TXNRD2: variants seen among roughly 807,000 people sequenced by gnomAD.
The protein encoded by TXNRD2 is thioredoxin reductase 2, mitochondrial.
In TXNRD2, 67 loss-of-function variants were observed where a neutral mutation model predicts 70.8. The observed-to-expected ratio is 0.95, with a 90% CI of 0.78 to 1.16. TXNRD2 has a LOEUF of 1.16. Ranked by LOEUF, TXNRD2 falls within the 50% of genes most tolerant of loss-of-function variation. TXNRD2 has a pLI of 0.00. For missense variants in TXNRD2, 644 were observed against 719.9 expected (o/e 0.89, Z 1.21); for synonymous variants, 301 against 295.8 (o/e 1.02, Z -0.18).
chr22:19,882,160 C>T (rs778665230), intron 12 of TXNRD2, among the ~76,000 whole-genome samples: 75 of 152,270 alleles, frequency 4.9e-4, no homozygotes, highest in Non-Finnish European at 8.7e-4. Flanking sequence ...ACGCCTGGGG[C>T]ATCCTACCCC....
chr22:19,913,525 T>C (rs1940506540), intron 7 of TXNRD2, among the ~76,000 whole-genome samples: 1 of 152,208 alleles, frequency 6.6e-6, no homozygotes, highest in Non-Finnish European at 1.5e-5. Context: ...TCTGGGGGCA[T>C]TTGTCTGAGG....
At chr22:19,930,061 C>A (rs188558415) in intron 2 of TXNRD2, among the ~76,000 whole-genome samples, 1 of 152,152 alleles carries the variant, frequency 6.6e-6, no homozygotes, top group South Asian at 2.1e-4. Context: ...TGGCTGCCTG[C>A]GCCATCGTTT....
intron 2 of TXNRD2, among the ~76,000 whole-genome samples, chr22:19,930,266 G>A (rs1040755634): frequency 1.3e-5 from 2 of 152,136 alleles, no homozygotes; most frequent in African/African-American, 2.4e-5. Flanking sequence ...CAGGGCCAAA[G>A]TGCCCAGTTA....
At chr22:19,925,944 A>G (rs1468711881) in intron 2 of TXNRD2, among the ~76,000 whole-genome samples, 6 of 152,120 alleles carry the variant, frequency 3.9e-5, no homozygotes, top group Non-Finnish European at 2.9e-5. Flanking sequence ...AGGCGGGTGG[A>G]TCACCTGAGG....
rs1379906221 is a variant in TXNRD2 at position 19,918,221 on chromosome 22, T to C, written c.375-4A>G. 6.2e-7 allele frequency: 1 copy of C among 1,613,960 alleles called. No homozygotes were observed. The highest frequency in any genetic ancestry group is 1.3e-5 in the African/African-American group (1 of 75,048). ...AACAGCTTCTGCCATCTTCCTCCTG[T>C]GAAGATACGAAACAAAATGTAAAAT... On this transcript the variant is annotated splice_region_variant and splice_polypyrimidine_tract_variant and intron_variant, in intron 4 of 17. Transcript: ENST00000400521.
intron 8 of TXNRD2, chr22:19,903,015 T>C (rs982250803): frequency 1.9e-6 from 1 of 518,674 alleles, no homozygotes; most frequent in Non-Finnish European, 3.8e-6. Context: ...CCAGCCCAAG[T>C]TATAAAAACA....
At chr22:19,932,636 G>A in intron 1 of TXNRD2, 1 of 1,353,418 alleles carries the variant, frequency 7.4e-7, no homozygotes, top group Non-Finnish European at 9.7e-7. Context: ...TGGGGTGAGG[G>A]CAGGGTGGGG....
At chr22:19,908,860 G>A (rs1940188449) in intron 8 of TXNRD2, among the ~76,000 whole-genome samples, 1 of 152,178 alleles carries the variant, frequency 6.6e-6, no homozygotes, top group Non-Finnish European at 1.5e-5. Context: ...AGTGGTGATG[G>A]TTTCACGACA....
chr22:19,933,468 T>C (rs1420840862), intron 1 of TXNRD2: 8 of 1,289,742 alleles, frequency 6.2e-6, no homozygotes, highest in Non-Finnish European at 8.1e-6. Flanking sequence ...CTTGTTGCCA[T>C]AGCAGGGCCC....
chr22:19,936,028 C>A (rs1055391880), intron 1 of TXNRD2, among the ~76,000 whole-genome samples: 2 of 152,128 alleles, frequency 1.3e-5, no homozygotes, highest in African/African-American at 4.8e-5. Flanking sequence ...TATGGTCACC[C>A]TATTCAGGGC....
intron 6 of TXNRD2, among the ~76,000 whole-genome samples, 159 bp from the exon 7 acceptor site, chr22:19,915,435 C>G (rs1320208264): frequency 3.9e-5 from 6 of 152,296 alleles, no homozygotes; most frequent in Admixed American, 3.9e-4. Flanking sequence ...GAGCTGGAAT[C>G]CCATCAACCA....
chr22:19,934,073 A>G (rs1941458221), intron 1 of TXNRD2, among the ~76,000 whole-genome samples: 1 of 152,214 alleles, frequency 6.6e-6, no homozygotes, highest in African/African-American at 2.4e-5. Flanking sequence ...ATGTGCACCC[A>G]CAGGCAGGCT....
intron 1 of TXNRD2, chr22:19,933,371 T>C: frequency 8.7e-7 from 1 of 1,151,754 alleles, no homozygotes; most frequent in Non-Finnish European, 1.2e-6. Flanking sequence ...AACCTGCTGA[T>C]GGAGAAGCAT....
intron 10 of TXNRD2, 93 bp from the exon 11 acceptor site, chr22:19,895,674 C>T (rs996884809): frequency 5.4e-5 from 79 of 1,450,736 alleles, no homozygotes; most frequent in Non-Finnish European, 2.7e-5. Context: ...CAATGAAGGG[C>T]GGAGAGGGGT....
intron 2 of TXNRD2, among the ~76,000 whole-genome samples, chr22:19,928,446 C>A (rs1460771370): frequency 2.0e-5 from 3 of 152,132 alleles, no homozygotes; most frequent in Non-Finnish European, 4.4e-5. Flanking sequence ...AGGTCATTAC[C>A]CTGAGTGAAA....
At position 19,880,766 on chromosome 22, in the gene TXNRD2, A is replaced by G. The variant is rs545134654; in HGVS notation, c.1087-49T>C. 297 of 1,379,010 alleles carry G rather than the reference A, an allele frequency of 2.2e-4. 5 individuals are homozygous for G. The South Asian group carries it at 3.3e-3, about 16-fold the overall frequency. 85.4% of individuals were successfully genotyped at this position (1,379,010 alleles called of 1,614,324 possible). On this transcript the variant is annotated intron_variant, in intron 12 of 17. Transcript: ENST00000400521. ...ACGTCAGCACCATGTCCGGGGTTAT[A>G]TGCAGCCCCTATGCCATCACCCTTT...
Position 19,915,267 on chromosome 22 carries a change from ACAG to A in TXNRD2, c.535_537del (p.Leu179del). On this transcript the variant is annotated inframe_deletion, in exon 7 of 18. Coordinates refer to ENST00000400521, the MANE Select transcript of TXNRD2 (RefSeq NM_006440.5). ...GTAGCAATGATGATGTGATCGGCTG[ACAG>A]CAGAATCTGAGGAGAAAAAGAGAAA... 1 of 1,613,832 alleles carries A rather than the reference ACAG, an allele frequency of 6.2e-7. No homozygotes were observed. The highest frequency in any genetic ancestry group is 1.1e-5 in the South Asian group (1 of 90,936).
chr22:19,883,353 T>G lies in TXNRD2; in HGVS notation c.1058A>C (p.His353Pro), dbSNP rs1307604976. The G allele has an allele frequency of 6.2e-7, 1 of 1,613,958 alleles. No individual in the cohort carries two copies. Among genetic ancestry groups the G allele is most frequent in the Admixed American group, 1.7e-5 (1 of 60,030 alleles). The change falls in exon 12 of 18, where the codon CAC becomes CCC. Residue 353 changes from histidine (H) to proline (P), a missense_variant. Coordinates refer to ENST00000400521, the MANE Select transcript of TXNRD2 (RefSeq NM_006440.5). The part of the protein sequence containing the change: ...VDSREATSVP[H>P]IYAIGDVVEG... Reference sequence around the variant, plus strand: ...CACCACGTCACCAATGGCGTAGATGTGGGGCACAGAGGTGGCTTCCCGGGA... The same window carrying G: ...CACCACGTCACCAATGGCGTAGATGGGGGGCACAGAGGTGGCTTCCCGGGA...
intron 11 of TXNRD2, among the ~76,000 whole-genome samples, chr22:19,886,456 G>A (rs867059350): frequency 2.0e-5 from 3 of 152,378 alleles, no homozygotes; most frequent in East Asian, 1.9e-4. Flanking sequence ...GAGGTTGGAC[G>A]ACTTGTGCCA....
Sources: allele counts gnomAD v4.1 joint callset (sites outside exome capture counted in the v4.1 genomes callset), GRCh38; gene constraint gnomAD v4.1.1; transcripts MANE v1.5; gene names NCBI Gene and HGNC (gene_info 2026-07-23, HGNC 2026-07-21).